RASAL2: variants seen among roughly 807,000 people sequenced by gnomAD.
The protein encoded by RASAL2 is RAS protein activator like 2, also known as ras GTPase-activating protein nGAP.
In RASAL2, 58 loss-of-function variants were observed where a neutral mutation model predicts 128.9. The ratio of observed to expected loss-of-function variants is 0.45; its 90% CI spans 0.36 to 0.56. The LOEUF (loss-of-function observed/expected upper bound fraction) is 0.56. Ranked by LOEUF, RASAL2 falls within the 20% of genes least tolerant of loss-of-function variation. RASAL2 has a pLI of 0.00. For missense variants in RASAL2, 1,360 were observed against 1,601.6 expected, an observed-to-expected ratio of 0.85 and a Z score of 2.57; for synonymous variants, 561 against 580.8, an observed-to-expected ratio of 0.97 and a Z score of 0.49.
In RASAL2 at chr1:178,176,662, CAG is replaced by C. The variant is rs373327207; in HGVS notation, c.202+81974_202+81975del. 1.6e-3 allele frequency among the ~76,000 whole-genome samples: 231 copies of C among 149,030 alleles called. 1 individual carries two copies. The highest frequency in any genetic ancestry group is 5.5e-3 in the African/African-American group (220 of 40,350). On this transcript the variant is annotated intron_variant, in intron 1 of 17. Transcript: ENST00000367649. ...GGAGAGAGAGAGAGAGACAGACAGA[CAG>C]AGAGACTCCCTCCCTCATTCCTCCA...
chr1:178,160,658 CA>C lies in RASAL2; in HGVS notation c.202+65971del, dbSNP rs1324224174. ...CTCAAAAAAATAATAATAATGAAAA[CA>C]AAAAAATATATTGAGTCCATCTTTA... On this transcript the variant is annotated intron_variant, in intron 1 of 17. Transcript: ENST00000367649. Among the ~76,000 whole-genome samples the C allele has an allele frequency of 2.0e-5, 3 of 151,898 alleles. No homozygotes were observed. The South Asian group carries it at 6.2e-4, about 31-fold the overall frequency.
At chr1:178,462,989 T>G (rs1647264352) in intron 14 of RASAL2, among the ~76,000 whole-genome samples, 1 of 152,168 alleles carries the variant, frequency 6.6e-6, no homozygotes, top group Non-Finnish European at 1.5e-5. Flanking sequence ...TCTGATAGCC[T>G]TTTAGTCTCT....
At chr1:178,438,932 T>TGTGTGTGTGTGTGTGTG (rs1553233715) in intron 5 of RASAL2, among the ~76,000 whole-genome samples, 3 of 145,476 alleles carry the variant, frequency 2.1e-5, no homozygotes, top group East Asian at 2.0e-4. Flanking sequence ...TGTGTGTGTG[T>TGTGTGTGTGTGTGTGTG]TTTGCCAAAG....
rs562233663 is a variant in RASAL2 at position 178,477,027 on chromosome 1, T to A, written c.*3788T>A. 4 of 152,656 alleles carry A rather than the reference T, an allele frequency of 2.6e-5. No homozygotes were observed. Among genetic ancestry groups the A allele is most frequent in the Non-Finnish European group, 5.9e-5 (4 of 68,112 alleles). The allele number at this position is 152,656 out of a possible 1,614,324, so 9.5% of individuals were successfully genotyped here. On this transcript the variant is annotated 3_prime_UTR_variant, in exon 18 of 18. Coordinates refer to ENST00000367649, the MANE Select transcript of RASAL2 (RefSeq NM_170692.4). ...CCCATCAGTCTACCCCATTGTGACATTGAGCCCAACACACACGCTTGACAC... is the reference window on the plus strand; with the variant it reads ...CCCATCAGTCTACCCCATTGTGACAATGAGCCCAACACACACGCTTGACAC...
Position 178,271,081 on chromosome 1 carries a change from A to AT in RASAL2, c.203-12482dup. 2.0e-5 allele frequency among the ~76,000 whole-genome samples: 3 copies of AT among 152,290 alleles called. No homozygotes were observed. The South Asian group carries it at 6.2e-4, about 32-fold the overall frequency. On this transcript the variant is annotated intron_variant, in intron 1 of 17. Coordinates refer to ENST00000367649, the MANE Select transcript of RASAL2 (RefSeq NM_170692.4). ...TTACCTGGGTTGGGAAGGGACATTTATCTATATAATGGGCGAGAGGATCTT... is the reference window on the plus strand; with the variant it reads ...TTACCTGGGTTGGGAAGGGACATTTATTCTATATAATGGGCGAGAGGATCTT...
chr1:178,178,655 C>T (rs764649169), intron 1 of RASAL2, among the ~76,000 whole-genome samples: 7 of 152,114 alleles, frequency 4.6e-5, no homozygotes, highest in Non-Finnish European at 1.0e-4. Flanking sequence ...TTTCTGAATT[C>T]GTGCCAGCTA....
chr1:178,118,577 C>T (rs1571499430), intron 1 of RASAL2, among the ~76,000 whole-genome samples: 1 of 152,268 alleles, frequency 6.6e-6, no homozygotes, highest in Middle Eastern at 3.4e-3. Flanking sequence ...GTTTGGGGAT[C>T]TTTTGTGGTT....
At chr1:178,294,733 A>G (rs911925580) in intron 2 of RASAL2, among the ~76,000 whole-genome samples, 9 of 152,056 alleles carry the variant, frequency 5.9e-5, no homozygotes, top group Admixed American at 3.3e-4. Context: ...GCTGCATACT[A>G]TTTTCCAACT....
intron 1 of RASAL2, among the ~76,000 whole-genome samples, chr1:178,156,122 T>C (rs1661076809): frequency 1.3e-5 from 2 of 152,318 alleles, no homozygotes; most frequent in East Asian, 1.9e-4. Context: ...AGCTCAAGAA[T>C]TTCTAACTGG....
intron 4 of RASAL2, among the ~76,000 whole-genome samples, chr1:178,396,901 A>G (rs867976956): frequency 6.6e-6 from 1 of 152,048 alleles, no homozygotes; most frequent in Non-Finnish European, 1.5e-5. Flanking sequence ...GCCAATACAC[A>G]CATGAAAAGA....
chr1:178,243,901 A>C (rs1300008706), intron 1 of RASAL2, among the ~76,000 whole-genome samples: 2 of 152,232 alleles, frequency 1.3e-5, no homozygotes, highest in African/African-American at 4.8e-5. Context: ...ACTTTTTCTT[A>C]ATCTTTTGTT....
At chr1:178,370,352 A>G (rs1299214911) in intron 3 of RASAL2, among the ~76,000 whole-genome samples, 2 of 152,200 alleles carry the variant, frequency 1.3e-5, no homozygotes, top group Admixed American at 6.5e-5. Context: ...CCAGAGCTCC[A>G]GGGATACTGG....
intron 1 of RASAL2, among the ~76,000 whole-genome samples, chr1:178,104,942 C>A (rs1558055353): frequency 6.6e-6 from 1 of 152,148 alleles, no homozygotes. Context: ...TAACTTGATG[C>A]AGACATATGT....
chr1:178,163,671 T>G (rs1661414649), intron 1 of RASAL2, among the ~76,000 whole-genome samples: 1 of 152,204 alleles, frequency 6.6e-6, no homozygotes, highest in African/African-American at 2.4e-5. Flanking sequence ...CATATAATGT[T>G]AATTATTGTA....
Position 178,476,150 on chromosome 1 carries a change from A to C in RASAL2, c.*2911A>C, listed in dbSNP as rs79499342. On this transcript the variant is annotated 3_prime_UTR_variant, in exon 18 of 18. Transcript: ENST00000367649. ...TGCACTTCCTGTTTCCCTCAAAACA[A>C]CACCACATTGTGGGGCGCAGGATAG... is the stretch of plus-strand genomic sequence containing the variant. 3.0e-3 allele frequency: 463 copies of C among 152,352 alleles called. 2 individuals carry two copies. The highest frequency in any genetic ancestry group is 0.011 in the African/African-American group (443 of 41,572). 9.4% of individuals were successfully genotyped at this position (152,352 alleles called of 1,614,324 possible).
At chr1:178,168,648 GA>G (rs1553255879) in intron 1 of RASAL2, among the ~76,000 whole-genome samples, 1 of 152,052 alleles carries the variant, frequency 6.6e-6, no homozygotes, top group Non-Finnish European at 1.5e-5. Flanking sequence ...TAGGCTAGTT[GA>G]AATGCACACC....
At chr1:178,154,026 G>A (rs1017116352) in intron 1 of RASAL2, among the ~76,000 whole-genome samples, 1 of 151,936 alleles carries the variant, frequency 6.6e-6, no homozygotes. Flanking sequence ...ATTAGAGACA[G>A]CGTTTCACCA....
At chr1:178,121,119 T>G (rs1042623759) in intron 1 of RASAL2, 2 of 152,212 alleles carry the variant, frequency 1.3e-5, no homozygotes, top group African/African-American at 4.8e-5. Flanking sequence ...GGTTTCTAGC[T>G]TCTGAAATCT....
At chr1:178,281,573 C>G (rs1237878436) in intron 1 of RASAL2, among the ~76,000 whole-genome samples, 1 of 152,092 alleles carries the variant, frequency 6.6e-6, no homozygotes, top group Admixed American at 6.6e-5. Flanking sequence ...CAGGGTTTAT[C>G]AGTGTTTTCT....
Sources: allele counts gnomAD v4.1 joint callset (sites outside exome capture counted in the v4.1 genomes callset), GRCh38; gene constraint gnomAD v4.1.1; transcripts MANE v1.5; gene names NCBI Gene and HGNC (gene_info 2026-07-23, HGNC 2026-07-21).